The following ZBTB48 variants were observed in gnomAD, a reference collection of about 807,000 sequenced individuals.
ZBTB48 encodes zinc finger and BTB domain-containing protein 48.
A neutral mutation model predicts 64.5 loss-of-function variants in ZBTB48; 35 were observed. The ratio of observed to expected loss-of-function variants is 0.54; its 90% CI spans 0.41 to 0.72. The LOEUF is 0.72. ZBTB48 is among the 30% of genes least tolerant of loss of function. The pLI, the probability that ZBTB48 is intolerant of heterozygous loss-of-function variation, is 0.00. For synonymous variants in ZBTB48, 442 were observed against 356.7 expected (o/e 1.24, Z -2.70); for missense variants, 828 against 895.3 (o/e 0.92, Z 0.96).
chr1:6,586,901 C>T, intron 5 of ZBTB48, 114 bp downstream of exon 5: 1 of 112,856 alleles, frequency 8.9e-6, no homozygotes, highest in Non-Finnish European at 1.5e-5. Flanking sequence ...GTCAGGGAGC[C>T]TGCCTTCCCT....
At chr1:6,587,951 C>G (rs1640736741) in intron 7 of ZBTB48, 109 bp from the exon 8 acceptor site, 1 of 1,471,860 alleles carries the variant, frequency 6.8e-7, no homozygotes, top group Non-Finnish European at 9.2e-7. Context: ...GTGCCCCTTT[C>G]CTAGCACTGC....
rs1640499024 is a variant in ZBTB48 at position 6,582,279 on chromosome 1, T to C, written c.912T>C (p.Tyr304=). ...PTCHKKFLSK[Y]YLKVHNRKHT... Reference sequence around the variant, plus strand: ...GTCATAAAAAGTTCCTCAGCAAATATTATCTAAAAGTCCACAACAGGTAAA... The same window carrying C: ...GTCATAAAAAGTTCCTCAGCAAATACTATCTAAAAGTCCACAACAGGTAAA... Residue 304 remains tyrosine, a synonymous_variant, in exon 3 of 11, where the codon TAT becomes TAC. Transcript: ENST00000377674. 2 of 1,612,222 alleles carry C rather than the reference T, an allele frequency of 1.2e-6. No homozygotes were observed. Among genetic ancestry groups the C allele is most frequent in the South Asian group, 1.1e-5 (1 of 91,056 alleles).
At position 6,587,624 on chromosome 1, in the gene ZBTB48, C is replaced by CA; in HGVS notation, c.1373dup (p.His459AlafsTer4). 6.2e-7 allele frequency: 1 copy of CA among 1,613,126 alleles called. No homozygotes were observed. The highest frequency in any genetic ancestry group is 8.5e-7 in the Non-Finnish European group (1 of 1,180,034). On this transcript the variant is annotated frameshift_variant, in exon 7 of 11. Transcript: ENST00000377674. LOFTEE classifies it high-confidence loss of function. ...ATGGCCTGCAGATGCACATCAAGGC[C>CA]AAGCACAGGTGCGTGTCGCCCGTTC...
At position 6,580,877 on chromosome 1, in the gene ZBTB48, G is replaced by A; in HGVS notation, c.268G>A (p.Gly90Arg). 5.0e-6 allele frequency: 8 copies of A among 1,614,170 alleles called. No homozygotes were observed. The highest frequency in any genetic ancestry group is 6.8e-6 in the Non-Finnish European group (8 of 1,180,050). Residue 90 changes from glycine (G) to arginine (R), a missense_variant, in exon 2 of 11, where the codon GGG (glycine) becomes AGG (arginine). Gly to Arg is a moderately radical substitution (Grantham distance 125). Coordinates refer to ENST00000377674, the MANE Select transcript of ZBTB48 (RefSeq NM_005341.4). This position sits in a 1 kb window ranked among gnomAD's most constrained non-coding sequence, Gnocchi z 5.2. ...CACTGGTCACCTCGCTCTCACCTCA[G>A]GGAACCGGGATCAGGTGCTCCTGGC... ...FYTGHLALTS[G>R]NRDQVLLAAR... is the part of the protein sequence containing the mutation.
chr1:6,588,135 C>T lies in ZBTB48; in HGVS notation c.1455C>T (p.Arg485=), dbSNP rs1640743608. Residue 485 remains arginine, a synonymous_variant, in exon 8 of 11, where the codon CGC becomes CGT. Coordinates refer to ENST00000377674, the MANE Select transcript of ZBTB48 (RefSeq NM_005341.4). ...AGGCCAATCTCAACATGCACCTGCG[C>T]ACACACACGGGTGAGAAGCCCTTCC... The part of the protein sequence containing the change: ...TQKANLNMHL[R]THTGEKPFQC... 1.2e-6 allele frequency: 2 copies of T among 1,614,086 alleles called. No homozygotes were observed. Among genetic ancestry groups the T allele is most frequent in the Non-Finnish European group, 1.7e-6 (2 of 1,180,060 alleles).
At position 6,580,458 on chromosome 1, in the gene ZBTB48, C is replaced by T. The variant is rs181054176; in HGVS notation, c.-69-83C>T. 1.9e-3 allele frequency: 1,568 copies of T among 811,052 alleles called. 2 individuals carry two copies. The highest frequency in any genetic ancestry group is 2.7e-3 in the Non-Finnish European group (1,419 of 525,858). 50.2% of individuals were successfully genotyped at this position (811,052 alleles called of 1,614,324 possible). A position where few individuals can be genotyped will look rare whatever the true frequency, so the allele number is the denominator to read the frequency against. ...GTGTTCCAGCCCTCCGCGTGCACCC[C>T]TCACCCTGACCCAAGCCCTCGTGCT... On this transcript the variant is annotated intron_variant, in intron 1 of 10. Coordinates refer to ENST00000377674, the MANE Select transcript of ZBTB48 (RefSeq NM_005341.4). The surrounding 1 kb of genome is among the most constrained non-coding windows in gnomAD (Gnocchi z 5.2).
rs1640425962 is a variant in ZBTB48, at chr1:6,580,962, C to T, written c.353C>T (p.Thr118Ile). The T allele has an allele frequency of 6.2e-7, 1 of 1,613,918 alleles. No homozygotes were observed. Residue 118 changes from threonine (T) to isoleucine (I), a missense_variant, in exon 2 of 11, where the codon ACT becomes ATT. Thr to Ile is a moderately conservative substitution (Grantham distance 89, BLOSUM62 -1). Transcript: ENST00000377674. The surrounding 1 kb of genome is among the most constrained non-coding windows in gnomAD (Gnocchi z 5.2). ...VELCQSFKPK[T>I]SVGQAAGGQS... Reference sequence around the variant, plus strand: ...CTGTGCCAGAGCTTCAAGCCCAAAACTTCAGTGGGACAGGCAGCAGGTGGC... The same window carrying T: ...CTGTGCCAGAGCTTCAAGCCCAAAATTTCAGTGGGACAGGCAGCAGGTGGC...
Position 6,588,075 on chromosome 1 carries a change from C to T in ZBTB48, c.1395C>T (p.His465=), listed in dbSNP as rs758041370. 3.2e-5 allele frequency: 52 copies of T among 1,614,144 alleles called. No homozygotes were observed. The highest frequency in any genetic ancestry group is 3.4e-5 in the Non-Finnish European group (40 of 1,180,040). ...ACCTTAACAGGAATGAGAGGCCACA[C>T]GTATGTGAGTTCTGCAGCCACGCCT... ...IKAKHRNERP[H]VCEFCSHAFT... The change falls in exon 8 of 11, where the codon CAC becomes CAT. Residue 465 remains histidine, a synonymous_variant. Coordinates refer to ENST00000377674, the MANE Select transcript of ZBTB48 (RefSeq NM_005341.4).
Position 6,580,563 on chromosome 1 carries a change from GC to G in ZBTB48, c.-46del. On this transcript the variant is annotated 5_prime_UTR_variant, in exon 2 of 11. Coordinates refer to ENST00000377674, the MANE Select transcript of ZBTB48 (RefSeq NM_005341.4). The surrounding 1 kb of genome is among the most constrained non-coding windows in gnomAD (Gnocchi z 5.2). ...CAGGAGCTTTCTCTTGCATACCCTC[GC>G]TTAGGCTGGCCGGGGTGTCACTTCT... is the stretch of plus-strand genomic sequence containing the variant. 1 of 1,573,454 alleles carries G rather than the reference GC, an allele frequency of 6.4e-7. No individual in the cohort carries two copies. Among genetic ancestry groups the G allele is most frequent in the Non-Finnish European group, 8.6e-7 (1 of 1,157,128 alleles).
At chr1:6,583,280 T>TGC (rs1640536294) in intron 3 of ZBTB48, among the ~76,000 whole-genome samples, 1 of 147,828 alleles carries the variant, frequency 6.8e-6, no homozygotes, top group African/African-American at 2.5e-5. Context: ...TGAGCCACCA[T>TGC]GCTCAGCCTA....
rs1640784450 is a variant in ZBTB48 at position 6,589,027 on chromosome 1, C to T, written c.1882C>T (p.Leu628=). The T allele has an allele frequency of 6.3e-7, 1 of 1,595,248 alleles. No homozygotes were observed. Among genetic ancestry groups the T allele is most frequent in the Non-Finnish European group, 8.5e-7 (1 of 1,169,906 alleles). The change falls in exon 11 of 11, where the codon CTG becomes TTG. Residue 628 remains leucine (L), a synonymous_variant. Transcript: ENST00000377674. ...IEDEKMVVVA[L]QPPAELEVGS... is the part of the protein sequence containing the mutation. ...GGACGAGAAGATGGTGGTGGTGGCGCTGCAGCCGCCTGCAGAGCTGGAGGT... is the reference window on the plus strand; with the variant it reads ...GGACGAGAAGATGGTGGTGGTGGCGTTGCAGCCGCCTGCAGAGCTGGAGGT...
chr1:6,586,420 C>T, intron 4 of ZBTB48: 1 of 569,234 alleles, frequency 1.8e-6, no homozygotes, highest in African/African-American at 1.9e-5. Context: ...TTCCTAGAGG[C>T]CTGTCAGCAG....
intron 3 of ZBTB48, among the ~76,000 whole-genome samples, chr1:6,582,607 C>T (rs1640512285): frequency 1.3e-5 from 2 of 152,230 alleles, no homozygotes; most frequent in Non-Finnish European, 2.9e-5. Context: ...AAACCTGTGG[C>T]CCCTGTGCTA....
rs1640789002 is a variant in ZBTB48 at position 6,589,115 on chromosome 1, G to A, written c.1970G>A (p.Gly657Asp). ...GGCGGCCTGGCCTCCCAGCTCCCCGGCCAGAGACTGTGTGCAGAGGAGAGC... is the reference window on the plus strand; with the variant it reads ...GGCGGCCTGGCCTCCCAGCTCCCCGACCAGAGACTGTGTGCAGAGGAGAGC... ...AQGGLASQLP[G>D]QRLCAEESFT... Residue 657 changes from glycine to aspartate, a missense_variant, in exon 11 of 11, where the codon GGC (glycine) becomes GAC (aspartate). Coordinates refer to ENST00000377674, the MANE Select transcript of ZBTB48 (RefSeq NM_005341.4). 1 of 1,607,304 alleles carries A rather than the reference G, an allele frequency of 6.2e-7. No homozygotes were observed. Among genetic ancestry groups the A allele is most frequent in the Non-Finnish European group, 8.5e-7 (1 of 1,177,574 alleles).
intron 2 of ZBTB48, among the ~76,000 whole-genome samples, 166 bp downstream of exon 2, chr1:6,581,465 C>G (rs1444259995): frequency 6.6e-6 from 1 of 151,998 alleles, no homozygotes; most frequent in Non-Finnish European, 1.5e-5. Context: ...AGTTCGAGAC[C>G]AGCCTGGGCA....
intron 7 of ZBTB48, 134 bp from the exon 8 acceptor site, chr1:6,587,926 C>T (rs187726385): frequency 7.8e-7 from 1 of 1,289,214 alleles, no homozygotes; most frequent in Non-Finnish European, 1.1e-6. Flanking sequence ...TCCTTCTGCT[C>T]TCGGGGTGGA....
chr1:6,587,047 G>T, intron 5 of ZBTB48, 158 bp from the exon 6 acceptor site: 1 of 918,052 alleles, frequency 1.1e-6, no homozygotes. Flanking sequence ...TGAGCCCTGA[G>T]GGCCCTCCTT....
rs935626329 is a variant in ZBTB48, at chr1:6,586,561, C to A, written c.1045-134C>A. ...GTCAGGCCAGGCAGGTTATGTGTTGCCCTCTCCCACCCTAGCGTCCCCACC... is the reference window on the plus strand; with the variant it reads ...GTCAGGCCAGGCAGGTTATGTGTTGACCTCTCCCACCCTAGCGTCCCCACC... On this transcript the variant is annotated intron_variant, in intron 4 of 10. Coordinates refer to ENST00000377674, the MANE Select transcript of ZBTB48 (RefSeq NM_005341.4). 3 of 1,419,552 alleles carry A rather than the reference C, an allele frequency of 2.1e-6. No homozygotes were observed. In the Admixed American group the frequency reaches 8.8e-5, roughly 42 times the overall value. The allele number at this position is 1,419,552 out of a possible 1,614,324, so 87.9% of individuals were successfully genotyped here.
chr1:6,580,916 C>T lies in ZBTB48; in HGVS notation c.307C>T (p.Arg103Ter). The T allele has an allele frequency of 6.2e-7, 1 of 1,614,036 alleles. No homozygotes were observed. Among genetic ancestry groups the T allele is most frequent in the East Asian group, 2.2e-5 (1 of 44,880 alleles). ...DQVLLAAREL[R>*]VPEAVELCQS... ...GGTGCTCCTGGCAGCCAGGGAGTTG[C>T]GAGTGCCAGAGGCCGTAGAGCTGTG... The change falls in exon 2 of 11, where the codon CGA (arginine) becomes TGA (stop). Residue 103 changes from arginine (R) to a stop codon, truncating the protein, a stop_gained. Transcript: ENST00000377674. LOFTEE classifies it high-confidence loss of function. The surrounding 1 kb of genome is among the most constrained non-coding windows in gnomAD (Gnocchi z 5.2).
Sources: gnomAD v4.1 joint callset for allele counts (sites outside exome capture counted in the v4.1 genomes callset) on GRCh38, gnomAD v4.1.1 for gene constraint, Gnocchi (gnomAD v3.1) non-coding constraint, MANE v1.5 for transcripts, NCBI Gene and HGNC (gene_info 2026-07-23, HGNC 2026-07-21) for gene names.